The following TRIM44 variants were observed in gnomAD, a reference collection of about 807,000 sequenced individuals.
TRIM44 encodes the protein tripartite motif containing 44.
A neutral mutation model predicts 37.4 loss-of-function variants in TRIM44; 13 were observed. The observed-to-expected ratio is 0.35, with a 90% CI of 0.23 to 0.55. The LOEUF (loss-of-function observed/expected upper bound fraction) is 0.55, where lower values mean the gene tolerates loss of function less well. Among genes scored for constraint, TRIM44 ranks in the 20% least tolerant of loss-of-function variants. The pLI, the probability that TRIM44 is intolerant of heterozygous loss-of-function variation, is 0.89. For synonymous variants in TRIM44, 175 were observed against 157.2 expected, an observed-to-expected ratio of 1.11 and a Z score of -0.85; for missense variants, 426 against 437.2, an observed-to-expected ratio of 0.97 and a Z score of 0.23.
In TRIM44 at chr11:35,809,102, A is replaced by G. The variant is rs1002571564; in HGVS notation, c.*2717A>G. 4 of 152,234 alleles carry G rather than the reference A, an allele frequency of 2.6e-5. No individual in the cohort carries two copies. Among genetic ancestry groups the G allele is most frequent in the South Asian group, 2.1e-4 (1 of 4,832 alleles). 9.4% of individuals were successfully genotyped at this position (152,234 alleles called of 1,614,324 possible). ...CTGAGAGGGACTTTGATTTGATATC[A>G]TTAAATCCAGGACAGTCCCAAGAAG... On this transcript the variant is annotated 3_prime_UTR_variant, in exon 5 of 5. Coordinates refer to ENST00000299413, the MANE Select transcript of TRIM44 (RefSeq NM_017583.6).
chr11:35,764,028 T>C (rs912872048), intron 4 of TRIM44, among the ~76,000 whole-genome samples: 8 of 152,328 alleles, frequency 5.3e-5, no homozygotes, highest in South Asian at 4.1e-4. Context: ...TATGTTCCCC[T>C]ATTCCCACAT....
chr11:35,713,240 C>T (rs928902916), intron 2 of TRIM44, among the ~76,000 whole-genome samples: 4 of 152,148 alleles, frequency 2.6e-5, no homozygotes, highest in Non-Finnish European at 4.4e-5. Flanking sequence ...CTGCAGCAGG[C>T]AAAATAGATT....
chr11:35,731,173 A>G (rs1335191860), intron 3 of TRIM44, among the ~76,000 whole-genome samples: 2 of 152,156 alleles, frequency 1.3e-5, no homozygotes, highest in Non-Finnish European at 2.9e-5. Flanking sequence ...CTTGTTCATA[A>G]TCTTAGAAGG....
chr11:35,664,082 G>A (rs1418599943), intron 1 of TRIM44, among the ~76,000 whole-genome samples: 4 of 152,070 alleles, frequency 2.6e-5, no homozygotes, highest in South Asian at 2.1e-4. Flanking sequence ...CCCCACTTAG[G>A]CCAATTTCCA....
At chr11:35,737,111 A>G (rs915468263) in intron 4 of TRIM44, among the ~76,000 whole-genome samples, 1 of 152,186 alleles carries the variant, frequency 6.6e-6, no homozygotes, top group Admixed American at 6.5e-5. Flanking sequence ...AGAAAAGGTT[A>G]TATATAAACA....
intron 4 of TRIM44, among the ~76,000 whole-genome samples, chr11:35,782,617 C>T (rs990977486): frequency 2.0e-5 from 3 of 152,044 alleles, no homozygotes; most frequent in Non-Finnish European, 4.4e-5. Flanking sequence ...TACCCATGTT[C>T]AATCATGAGG....
intron 1 of TRIM44, among the ~76,000 whole-genome samples, chr11:35,685,006 C>T (rs1467109529): frequency 6.6e-6 from 1 of 152,204 alleles, no homozygotes; most frequent in African/African-American, 2.4e-5. Context: ...TGAGATGAAG[C>T]AGTGAGTCAG....
chr11:35,673,482 A>G (rs73438929), intron 1 of TRIM44, among the ~76,000 whole-genome samples: 7,097 of 152,260 alleles, frequency 0.047, 555 homozygotes, highest in African/African-American at 0.16. Context: ...ATAGATGAAA[A>G]TACTGCTCTA....
chr11:35,668,388 T>C (rs1276858281), intron 1 of TRIM44, among the ~76,000 whole-genome samples: 1 of 152,152 alleles, frequency 6.6e-6, no homozygotes, highest in African/African-American at 2.4e-5. Context: ...ACTGACAGGC[T>C]CCAGTGTATG....
chr11:35,792,495 A>G (rs910892365), intron 4 of TRIM44, among the ~76,000 whole-genome samples: 1 of 152,232 alleles, frequency 6.6e-6, no homozygotes, highest in African/African-American at 2.4e-5. Context: ...TTCTTCAAGT[A>G]GACAGATCTT....
At chr11:35,793,649 G>T (rs937521166) in intron 4 of TRIM44, among the ~76,000 whole-genome samples, 3 of 152,132 alleles carry the variant, frequency 2.0e-5, no homozygotes, top group Non-Finnish European at 2.9e-5. Context: ...TAGCAACAAG[G>T]TACCAGTTAC....
intron 4 of TRIM44, among the ~76,000 whole-genome samples, chr11:35,768,390 C>A (rs1412480008): frequency 6.6e-6 from 1 of 152,122 alleles, no homozygotes; most frequent in African/African-American, 2.4e-5. Context: ...AGTTGAAGGT[C>A]ACACAGCTAG....
chr11:35,805,801 T>TAGAG (rs10633846), intron 4 of TRIM44, among the ~76,000 whole-genome samples: 7,102 of 152,232 alleles, frequency 0.047, 549 homozygotes, highest in African/African-American at 0.16. Context: ...AGACATAAGA[T>TAGAG]AGAGAATCAC....
intron 4 of TRIM44, among the ~76,000 whole-genome samples, chr11:35,798,441 T>A (rs1853321754): frequency 6.6e-6 from 1 of 152,206 alleles, no homozygotes; most frequent in Non-Finnish European, 1.5e-5. Context: ...AAATATACCA[T>A]GCTAATGTAT....
intron 4 of TRIM44, among the ~76,000 whole-genome samples, chr11:35,793,911 C>T (rs887401448): frequency 6.6e-6 from 1 of 152,162 alleles, no homozygotes; most frequent in Admixed American, 6.5e-5. Context: ...ATTATGAAAA[C>T]TGTAAAGATT....
chr11:35,792,285 G>GGTGA (rs2133878326), intron 4 of TRIM44, among the ~76,000 whole-genome samples: 1 of 152,204 alleles, frequency 6.6e-6, no homozygotes, highest in East Asian at 1.9e-4. Flanking sequence ...ATATACTGTG[G>GGTGA]GTACTCAATA....
chr11:35,703,926 T>G (rs1194698565), intron 2 of TRIM44, among the ~76,000 whole-genome samples: 1 of 151,448 alleles, frequency 6.6e-6, no homozygotes. Flanking sequence ...CTTTGACGAG[T>G]TGAGAGAAGA....
chr11:35,753,693 A>G (rs1477089964), intron 4 of TRIM44, among the ~76,000 whole-genome samples: 2 of 152,050 alleles, frequency 1.3e-5, no homozygotes, highest in African/African-American at 4.8e-5. Flanking sequence ...ATCTATCCTA[A>G]TGCTGTTTGG....
chr11:35,781,023 G>A (rs1214471781), intron 4 of TRIM44, among the ~76,000 whole-genome samples: 1 of 152,122 alleles, frequency 6.6e-6, no homozygotes, highest in Non-Finnish European at 1.5e-5. Flanking sequence ...ATTTTTGATA[G>A]TCATGTGAGA....
Sources: allele counts gnomAD v4.1 joint callset (sites outside exome capture counted in the v4.1 genomes callset), GRCh38; gene constraint gnomAD v4.1.1; transcripts MANE v1.5; gene names NCBI Gene and HGNC (gene_info 2026-07-23, HGNC 2026-07-21).